The following CTSF variants were observed in gnomAD, a reference collection of about 807,000 sequenced individuals.
CTSF encodes the protein cathepsin F.
A neutral mutation model predicts 63.5 loss-of-function variants in CTSF; 65 were observed. The ratio of observed to expected loss-of-function variants is 1.02; its 90% CI spans 0.84 to 1.26. The LOEUF (loss-of-function observed/expected upper bound fraction) is 1.26. Among genes scored for constraint, CTSF ranks in the 50% most tolerant of loss-of-function variants. The pLI, the probability that CTSF is intolerant of heterozygous loss-of-function variation, is 0.00. For synonymous variants in CTSF, 256 were observed against 258.1 expected (o/e 0.99, Z 0.08); for missense variants, 641 against 631.0 (o/e 1.02, Z -0.17).
chr11:66,567,194 G>C, intron 4 of CTSF, 52 bp downstream of exon 4: 1 of 1,587,304 alleles, frequency 6.3e-7, no homozygotes, highest in Non-Finnish European at 8.7e-7. Context: ...GCCAAGTTGG[G>C]GGGAAAGTCC....
In CTSF at chr11:66,567,579, T is replaced by C; in HGVS notation, c.396A>G (p.Pro132=). The change falls in exon 3 of 13, where the codon CCA becomes CCG. Residue 132 remains proline (P), a synonymous_variant. Transcript: ENST00000310325. ...AGGCTGACTTGGGCTCCCCAGCACC[T>C]GGAACCTTGGTGTCCACTGGGCCAC... is the stretch of plus-strand genomic sequence containing the variant. ...KDCGPVDTKV[P]GAGEPKSAFT... is the part of the protein sequence containing the mutation. The C allele has an allele frequency of 6.2e-7, 1 of 1,614,198 alleles. No homozygotes were observed. The highest frequency in any genetic ancestry group is 2.2e-5 in the East Asian group (1 of 44,890).
chr11:66,565,969 T>G, intron 6 of CTSF, 42 bp from the exon 7 acceptor site: 1 of 1,614,066 alleles, frequency 6.2e-7, no homozygotes, highest in Middle Eastern at 1.6e-4. Context: ...CCGGGCCCCT[T>G]CGTCAGCCCC....
rs1468491572 is a variant in CTSF at position 66,563,891 on chromosome 11, G to A, written c.*42C>T. ...GGACACATGTCAGGCTGGGGCAGCA[G>A]CCACTCTGATCAGCACCAGGTCCCG... On this transcript the variant is annotated 3_prime_UTR_variant, in exon 13 of 13. Coordinates refer to ENST00000310325, the MANE Select transcript of CTSF (RefSeq NM_003793.4). 2.5e-6 allele frequency: 4 copies of A among 1,609,174 alleles called. No individual in the cohort carries two copies. Among genetic ancestry groups the A allele is most frequent in the Non-Finnish European group, 3.4e-6 (4 of 1,178,620 alleles).
Position 66,563,740 on chromosome 11 carries a change from G to T in CTSF, c.*193C>A. ...ACCACAATTCAACAAAGGTGCAGGTGCAGAACTTCAGGGTGGGAATGGGGT... is the reference window on the plus strand; with the variant it reads ...ACCACAATTCAACAAAGGTGCAGGTTCAGAACTTCAGGGTGGGAATGGGGT... On this transcript the variant is annotated 3_prime_UTR_variant, in exon 13 of 13. Coordinates refer to ENST00000310325, the MANE Select transcript of CTSF (RefSeq NM_003793.4). The T allele has an allele frequency of 1.5e-6, 1 of 654,652 alleles. No individual in the cohort carries two copies. Among genetic ancestry groups the T allele is most frequent in the Non-Finnish European group, 2.6e-6 (1 of 384,956 alleles). The allele number at this position is 654,652 out of a possible 1,614,324, so 40.6% of individuals were successfully genotyped here. A position where few individuals can be genotyped will look rare whatever the true frequency, so the allele number is the denominator to read the frequency against.
In CTSF at chr11:66,568,572, C is replaced by A. The variant is rs1857990225; in HGVS notation, c.-86G>T. 1 of 1,399,588 alleles carries A rather than the reference C, an allele frequency of 7.1e-7. No homozygotes were observed. The highest frequency in any genetic ancestry group is 9.3e-7 in the Non-Finnish European group (1 of 1,074,972). The allele number at this position is 1,399,588 out of a possible 1,614,324, so 86.7% of individuals were successfully genotyped here. A position where few individuals can be genotyped will look rare whatever the true frequency, so the allele number is the denominator to read the frequency against. ...AGCCCGCGGCCAGCGGGGCCTGAGT[C>A]CTCCCTCCAGCGGGGCGACGGCACG... On this transcript the variant is annotated 5_prime_UTR_variant, in exon 1 of 13. Transcript: ENST00000310325.
At position 66,567,644 on chromosome 11, in the gene CTSF, G is replaced by C; in HGVS notation, c.331C>G (p.Leu111Val). ...KKTLLCSFQV[L>V]DELGRHVLLR... ...AGCACGTGTCTTCCGAGCTCATCCA[G>C]GACTTGGAAGCTGCAGAGCTGGAGG... The change falls in exon 3 of 13, where the codon CTG (leucine) becomes GTG (valine). Residue 111 changes from leucine to valine, a missense_variant. Transcript: ENST00000310325. The C allele has an allele frequency of 6.2e-7, 1 of 1,614,048 alleles. No individual in the cohort carries two copies. The highest frequency in any genetic ancestry group is 8.5e-7 in the Non-Finnish European group (1 of 1,180,004).
chr11:66,565,623 C>T, intron 8 of CTSF, 48 bp downstream of exon 8: 2 of 1,607,788 alleles, frequency 1.2e-6, no homozygotes, highest in South Asian at 1.1e-5. Flanking sequence ...ACTTCTTGTA[C>T]AGGGAGAAGT....
In CTSF at chr11:66,564,637, G is replaced by A. The variant is rs759093942; in HGVS notation, c.1242C>T (p.His414=). 32 of 1,609,956 alleles carry A rather than the reference G, an allele frequency of 2.0e-5. No homozygotes were observed. Among genetic ancestry groups the A allele is most frequent in the Admixed American group, 3.4e-5 (2 of 59,388 alleles). ...INAFGMQFYR[H]GISRPLRPLC... is the part of the protein sequence containing the mutation. ...GGGGCCGGAGAGGGCGGGAGATCCC[G>A]TGGCGGTAAAACTGGAGGTGGAGAA... The change falls in exon 11 of 13, where the codon CAC becomes CAT. Residue 414 remains histidine (H), a synonymous_variant. Transcript: ENST00000310325.
chr11:66,567,371 GGGAA>G (rs1857954653), intron 3 of CTSF, 50 bp from the exon 4 acceptor site: 1 of 1,613,580 alleles, frequency 6.2e-7, no homozygotes, highest in African/African-American at 1.3e-5. Context: ...CCACTCCAGA[GGGAA>G]GGGAGAAGGG....
chr11:66,567,205 T>C (rs1590816673), intron 4 of CTSF, 41 bp downstream of exon 4: 4 of 1,606,720 alleles, frequency 2.5e-6, no homozygotes, highest in Middle Eastern at 1.7e-4. Flanking sequence ...GGGAAAGTCC[T>C]GTTCTGATAG....
chr11:66,566,160 C>T lies in CTSF; in HGVS notation c.729G>A (p.Glu243=), dbSNP rs1170487913. 1.2e-6 allele frequency: 2 copies of T among 1,613,982 alleles called. No individual in the cohort carries two copies. Among genetic ancestry groups the T allele is most frequent in the Admixed American group, 1.7e-5 (1 of 60,004 alleles). ...GAGTATTCAGGTAGATAGTGCGGAACTCCTCCTCTGCGGGCAAAGGTGGGC... is the reference window on the plus strand; with the variant it reads ...GAGTATTCAGGTAGATAGTGCGGAATTCCTCCTCTGCGGGCAAAGGTGGGC... ...VTKFSDLTEE[E]FRTIYLNTLL... is the part of the protein sequence containing the mutation. The change falls in exon 6 of 13, where the codon GAG becomes GAA. Residue 243 remains glutamate, a synonymous_variant. Transcript: ENST00000310325.
In CTSF at chr11:66,566,348, G is replaced by C. The variant is rs766762684; in HGVS notation, c.664C>G (p.Gln222Glu). The C allele has an allele frequency of 2.5e-6, 4 of 1,614,058 alleles. No individual in the cohort carries two copies. Among genetic ancestry groups the C allele is most frequent in the South Asian group, 1.1e-5 (1 of 91,084 alleles). ...VNNMVRAQKI[Q>E]ALDRGTAQYG... ...TGAGCTGTGCCACGGTCCAGGGCCT[G>C]GATCTTCTGTGCTCGCACCATGTTA... Residue 222 changes from glutamine to glutamate, a missense_variant, in exon 5 of 13, where the codon CAG (glutamine) becomes GAG (glutamate). Coordinates refer to ENST00000310325, the MANE Select transcript of CTSF (RefSeq NM_003793.4).
chr11:66,563,694 A>C lies in CTSF; in HGVS notation c.*239T>G. The C allele has an allele frequency of 1.7e-6, 1 of 599,344 alleles. No individual in the cohort carries two copies. Among genetic ancestry groups the C allele is most frequent in the Non-Finnish European group, 2.9e-6 (1 of 339,600 alleles). The allele number at this position is 599,344 out of a possible 1,614,324, so 37.1% of individuals were successfully genotyped here. ...TTCAACTGCCAAGATACCACCCTTC[A>C]CCCCGACATCCTCCTAAGCTACCAC... On this transcript the variant is annotated 3_prime_UTR_variant, in exon 13 of 13. Coordinates refer to ENST00000310325, the MANE Select transcript of CTSF (RefSeq NM_003793.4).
Position 66,565,874 on chromosome 11 carries a change from C to T in CTSF, c.921G>A (p.Gln307=). ...AFSVTGNVEG[Q]WFLNQGTLLS... is the part of the protein sequence containing the mutation. ...GCAGGGTCCCCTGGTTGAGAAACCA[C>T]TGGCCCTCCACATTGCCTGTGACTG... The change falls in exon 7 of 13, where the codon CAG becomes CAA. Residue 307 remains glutamine, a synonymous_variant. Coordinates refer to ENST00000310325, the MANE Select transcript of CTSF (RefSeq NM_003793.4). 6.2e-7 allele frequency: 1 copy of T among 1,614,082 alleles called. No homozygotes were observed. The highest frequency in any genetic ancestry group is 1.1e-5 in the South Asian group (1 of 91,086).
chr11:66,566,416 G>C lies in CTSF; in HGVS notation c.608-12C>G. 1 of 1,613,308 alleles carries C rather than the reference G, an allele frequency of 6.2e-7. No homozygotes were observed. On this transcript the variant is annotated splice_polypyrimidine_tract_variant and intron_variant, in intron 4 of 12. Coordinates refer to ENST00000310325, the MANE Select transcript of CTSF (RefSeq NM_003793.4). ...GCGCCACCGGGCTTCTGAGGACCAA[G>C]GAGCAGAAGAGGAGGGGTTCGACCC...
In CTSF at chr11:66,563,784, T is replaced by C; in HGVS notation, c.*149A>G. ...ATGGGGTGCAGGGAAGCAGGGGCTG[T>C]GCCCCAGCCCAGTGCCCTCTGCTCA... On this transcript the variant is annotated 3_prime_UTR_variant, in exon 13 of 13. Transcript: ENST00000310325. 1 of 900,326 alleles carries C rather than the reference T, an allele frequency of 1.1e-6. No individual in the cohort carries two copies. Among genetic ancestry groups the C allele is most frequent in the East Asian group, 2.7e-5 (1 of 37,678 alleles). The allele number at this position is 900,326 out of a possible 1,614,324, so 55.8% of individuals were successfully genotyped here. A position where few individuals can be genotyped will look rare whatever the true frequency, so the allele number is the denominator to read the frequency against.
At chr11:66,567,859 T>C in intron 2 of CTSF, 125 bp downstream of exon 2, 1 of 1,410,772 alleles carries the variant, frequency 7.1e-7, no homozygotes, top group Non-Finnish European at 9.6e-7. Flanking sequence ...CCTCGGGGCC[T>C]GGGAAGTGGC....
chr11:66,568,097 A>G lies in CTSF; in HGVS notation c.214-15T>C. ...CCCTGACCCGCCTGGAGAGAGGAGT[A>G]GGTGAGGCGGGCACAGTCGGCCCTT... On this transcript the variant is annotated splice_polypyrimidine_tract_variant and intron_variant, in intron 1 of 12. Transcript: ENST00000310325. The G allele has an allele frequency of 6.2e-7, 1 of 1,604,086 alleles. No individual in the cohort carries two copies. Among genetic ancestry groups the G allele is most frequent in the Non-Finnish European group, 8.5e-7 (1 of 1,176,662 alleles).
At position 66,567,453 on chromosome 11, in the gene CTSF, G is replaced by A. The variant is rs766940123; in HGVS notation, c.522C>T (p.Pro174=). The A allele has an allele frequency of 1.2e-6, 2 of 1,614,012 alleles. No homozygotes were observed. Among genetic ancestry groups the A allele is most frequent in the Non-Finnish European group, 1.7e-6 (2 of 1,179,968 alleles). ...GCTGAGGGCTCCTCACCTGGGACAG[G>A]GGATCCTCATTCAACAGGGAAATGA... The part of the protein sequence containing the change: ...SSVISLLNED[P]LSQDLPVKMA... Residue 174 remains proline (P), a synonymous_variant, in exon 3 of 13, where the codon CCC becomes CCT. Coordinates refer to ENST00000310325, the MANE Select transcript of CTSF (RefSeq NM_003793.4).
Sources: allele counts gnomAD v4.1 joint callset, GRCh38; gene constraint gnomAD v4.1.1; transcripts MANE v1.5; gene names NCBI Gene and HGNC (gene_info 2026-07-23, HGNC 2026-07-21).